The following PLEKHG7 variants were observed in gnomAD, a reference collection of about 807,000 sequenced individuals.
PLEKHG7 encodes the protein pleckstrin homology and RhoGEF domain containing G7.
Under a neutral mutation model 85.2 loss-of-function variants are expected in PLEKHG7, and 77 were observed. The ratio of observed to expected loss-of-function variants is 0.90; its 90% CI spans 0.75 to 1.09. PLEKHG7 has a LOEUF of 1.09. PLEKHG7 is among the 50% of genes least tolerant of loss of function. PLEKHG7 has a pLI of 0.00. For missense variants in PLEKHG7, 777 were observed against 804.3 expected (o/e 0.97, Z 0.41); for synonymous variants, 301 against 302.4 (o/e 1.00, Z 0.05).
At chr12:92,749,480 G>A (rs1872626799) in intron 10 of PLEKHG7, 1 of 151,998 alleles carries the variant, frequency 6.6e-6, no homozygotes, top group African/African-American at 2.4e-5. Context: ...TTATGGAGAT[G>A]GGGTCTCGCT....
At chr12:92,735,500 C>G (rs1027325127) in intron 5 of PLEKHG7, among the ~76,000 whole-genome samples, 3 of 152,222 alleles carry the variant, frequency 2.0e-5, no homozygotes, top group Non-Finnish European at 4.4e-5. Context: ...CTGTTTAGAT[C>G]CATGCCAATA....
At chr12:92,743,727 T>C (rs1419581125) in intron 9 of PLEKHG7, among the ~76,000 whole-genome samples, 1 of 152,128 alleles carries the variant, frequency 6.6e-6, no homozygotes, top group East Asian at 1.9e-4. Context: ...GCCCAACTAA[T>C]TTTTGTATTC....
intron 10 of PLEKHG7, 93 bp from the exon 11 acceptor site, chr12:92,753,997 A>C: frequency 7.7e-7 from 1 of 1,300,980 alleles, no homozygotes; most frequent in Non-Finnish European, 1.1e-6. Context: ...GCAGTTACTG[A>C]GTAAAATCTC....
At position 92,764,123 on chromosome 12, in the gene PLEKHG7, G is replaced by T; in HGVS notation, c.1799G>T (p.Cys600Phe). 1.9e-6 allele frequency: 3 copies of T among 1,612,692 alleles called. No homozygotes were observed. Among genetic ancestry groups the T allele is most frequent in the Non-Finnish European group, 2.5e-6 (3 of 1,179,220 alleles). Reference protein sequence around the residue: ...LQAVIKEGGSCTVLDQPIPLD... With the variant: ...LQAVIKEGGSFTVLDQPIPLD... Reference sequence around the variant, plus strand: ...GCAGTAATAAAAGAGGGTGGTTCGTGTACAGTACTCGATCAGCCTATTCCA... The same window carrying T: ...GCAGTAATAAAAGAGGGTGGTTCGTTTACAGTACTCGATCAGCCTATTCCA... The change falls in exon 15 of 17, where the codon TGT becomes TTT. Residue 600 changes from cysteine (C) to phenylalanine (F), a missense_variant. By Grantham distance (205) the Cys-to-Phe change is radical. This residue lies in a region of PLEKHG7 where 520 missense variants were observed against 544.0 expected (regional missense o/e 0.96). Transcript: ENST00000344636.
At chr12:92,704,238 G>T (rs1295953900) in intron 1 of PLEKHG7, among the ~76,000 whole-genome samples, 1 of 151,852 alleles carries the variant, frequency 6.6e-6, no homozygotes, top group Non-Finnish European at 1.5e-5. Flanking sequence ...CTCAGCCTGG[G>T]CGACAGAGCC....
At chr12:92,744,908 T>A (rs1206852406) in intron 9 of PLEKHG7, among the ~76,000 whole-genome samples, 1 of 152,132 alleles carries the variant, frequency 6.6e-6, no homozygotes, top group Non-Finnish European at 1.5e-5. Context: ...GCTCAGGCAA[T>A]CCGCCTGCCT....
chr12:92,749,926 ATTTAT>A (rs1555195916), intron 10 of PLEKHG7, among the ~76,000 whole-genome samples: 3 of 105,270 alleles, frequency 2.8e-5, no homozygotes, highest in Non-Finnish European at 5.9e-5. Context: ...ATTTTATTTT[ATTTAT>A]TTTATTTTAT....
chr12:92,721,415 G>A, intron 3 of PLEKHG7: 1 of 1,208,950 alleles, frequency 8.3e-7, no homozygotes, highest in Non-Finnish European at 1.0e-6. Context: ...ATCTTCAGCA[G>A]AGCATAGAAT....
chr12:92,738,309 G>T (rs1025466222), intron 7 of PLEKHG7, among the ~76,000 whole-genome samples: 3 of 152,154 alleles, frequency 2.0e-5, no homozygotes, highest in African/African-American at 7.2e-5. Context: ...AGGACCACAG[G>T]GGAGGATGGG....
At chr12:92,747,493 C>T (rs185051397) in intron 10 of PLEKHG7, among the ~76,000 whole-genome samples, 290 of 152,268 alleles carry the variant, frequency 1.9e-3, no homozygotes, top group African/African-American at 6.7e-3. Context: ...TTATAGTAAA[C>T]AAAATGGAGG....
chr12:92,715,232 G>A (rs1362657834), intron 3 of PLEKHG7, among the ~76,000 whole-genome samples: 3 of 152,078 alleles, frequency 2.0e-5, no homozygotes, highest in African/African-American at 4.8e-5. Flanking sequence ...AGGCTGGGAG[G>A]CTAAGCCAAT....
chr12:92,761,623 G>GAAGAAAGGAAGA (rs1873004660), intron 13 of PLEKHG7, 129 bp from the exon 14 acceptor site: 1 of 710,340 alleles, frequency 1.4e-6, no homozygotes, highest in African/African-American at 2.3e-5. Flanking sequence ...AAGAAAGAAA[G>GAAGAAAGGAAGA]AAGAAAGAAA....
At chr12:92,715,523 CA>C (rs1871460799) in intron 3 of PLEKHG7, among the ~76,000 whole-genome samples, 1 of 152,064 alleles carries the variant, frequency 6.6e-6, no homozygotes, top group Non-Finnish European at 1.5e-5. Context: ...ACAGATCCCC[CA>C]TTTGTCTCTC....
chr12:92,765,920 C>T (rs1873182760), intron 15 of PLEKHG7, among the ~76,000 whole-genome samples: 1 of 152,168 alleles, frequency 6.6e-6, no homozygotes, highest in African/African-American at 2.4e-5. Flanking sequence ...CTCCTGTGTC[C>T]ATTCTTTCTA....
chr12:92,746,984 G>A lies in PLEKHG7; in HGVS notation c.1251+1393G>A, dbSNP rs529936848. Among the ~76,000 whole-genome samples, 6 of 152,114 alleles carry A rather than the reference G, an allele frequency of 3.9e-5. No homozygotes were observed. The South Asian group carries it at 1.0e-3, about 26-fold the overall frequency. ...CATTGGTCTACACAAATATTTTAGGGCTAAGACTTCAAAAGCATAGGCAAC... is the reference window on the plus strand; with the variant it reads ...CATTGGTCTACACAAATATTTTAGGACTAAGACTTCAAAAGCATAGGCAAC... On this transcript the variant is annotated intron_variant, in intron 10 of 16. Transcript: ENST00000344636.
At chr12:92,711,877 C>T (rs529381828) in intron 3 of PLEKHG7, among the ~76,000 whole-genome samples, 4 of 152,312 alleles carry the variant, frequency 2.6e-5, no homozygotes, top group Non-Finnish European at 4.4e-5. Flanking sequence ...TCAGGTCACT[C>T]GATAAATGGG....
intron 9 of PLEKHG7, among the ~76,000 whole-genome samples, chr12:92,742,378 A>C (rs1872384317): frequency 6.6e-6 from 1 of 152,182 alleles, no homozygotes; most frequent in South Asian, 2.1e-4. Flanking sequence ...AGTAACATAA[A>C]TATAATGAGT....
intron 10 of PLEKHG7, chr12:92,749,630 C>G (rs553027255): frequency 1.1e-4 from 16 of 152,302 alleles, no homozygotes; most frequent in African/African-American, 3.4e-4. Context: ...TGGCTAAGAA[C>G]TCTAGCTGCC....
At chr12:92,712,918 A>AG (rs1871391094) in intron 3 of PLEKHG7, among the ~76,000 whole-genome samples, 1 of 152,128 alleles carries the variant, frequency 6.6e-6, no homozygotes, top group South Asian at 2.1e-4. Flanking sequence ...GACCACAATG[A>AG]TGTTTTGGGT....
Sources: allele counts gnomAD v4.1 joint callset (sites outside exome capture counted in the v4.1 genomes callset), GRCh38; gene constraint gnomAD v4.1.1; regional missense constraint gnomAD v4.1.1; transcripts MANE v1.5; gene names NCBI Gene and HGNC (gene_info 2026-07-23, HGNC 2026-07-21).